MAEA: variants seen among roughly 807,000 people sequenced by gnomAD.
MAEA encodes the protein macrophage erythroblast attacher, E3 ubiquitin ligase.
A neutral mutation model predicts 46.2 loss-of-function variants in MAEA; 22 were observed. That is an observed-to-expected ratio of 0.48 (90% CI 0.34 to 0.68). MAEA has a LOEUF of 0.68. Ranked by LOEUF, MAEA falls within the 30% of genes least tolerant of loss-of-function variation. The pLI is 0.01. For missense variants in MAEA, 393 were observed against 558.1 expected (o/e 0.70, Z 2.98); for synonymous variants, 246 against 222.6 (o/e 1.11, Z -0.94).
In MAEA at chr4:1,322,301, A is replaced by G. The variant is rs1350993548; in HGVS notation, c.457-80A>G. On this transcript the variant is annotated intron_variant, in intron 3 of 8. Coordinates refer to ENST00000303400, the MANE Select transcript of MAEA (RefSeq NM_001017405.3). ...TGGTGGCCGGTGCTGGGCCTGCCTC[A>G]TGGAGGCTGGGGTGTGGGAGGGTGG... 6.4e-6 allele frequency: 10 copies of G among 1,571,056 alleles called. No individual in the cohort carries two copies. In the African/African-American group the frequency reaches 6.7e-5, roughly 11 times the overall value.
intron 4 of MAEA, 46 bp from the exon 5 acceptor site, chr4:1,327,581 T>C: frequency 1.4e-6 from 2 of 1,444,524 alleles, no homozygotes; most frequent in Non-Finnish European, 1.9e-6. Flanking sequence ...GCACCTGGGC[T>C]CTGTGGGATG....
intron 1 of MAEA, among the ~76,000 whole-genome samples, chr4:1,293,210 GT>G (rs78057925): frequency 0.15 from 22,653 of 147,738 alleles, 3,341 homozygotes; most frequent in East Asian, 0.42. Context: ...TTTGTAAAAG[GT>G]TTTTTTTTTT....
At chr4:1,331,739 GCC>G (rs2108998013) in intron 5 of MAEA, 1 of 145,242 alleles carries the variant, frequency 6.9e-6, no homozygotes, top group East Asian at 2.0e-4. Flanking sequence ...CCTCAGGACA[GCC>G]AGAGGGACAG....
chr4:1,307,268 C>A (rs912011565), intron 1 of MAEA, among the ~76,000 whole-genome samples: 1 of 151,834 alleles, frequency 6.6e-6, no homozygotes, highest in Non-Finnish European at 1.5e-5. Context: ...ATCACCATGA[C>A]CCTCTCATCT....
Position 1,338,457 on chromosome 4 carries a change from C to T in MAEA, c.935C>T (p.Pro312Leu). Residue 312 changes from proline (P) to leucine (L), a missense_variant, in exon 8 of 9, where the codon CCT (proline) becomes CTT (leucine). Transcript: ENST00000303400. ...CYKEDGSSKSPDCPVCSRSLN... is the reference protein window; with the variant it reads ...CYKEDGSSKSLDCPVCSRSLN... The stretch of plus-strand genomic sequence containing the variant: ...AAGGAGGACGGCAGCTCCAAGAGCC[C>T]TGACTGCCCTGTGTGCAGCCGCTCC... The T allele has an allele frequency of 1.2e-6, 2 of 1,613,052 alleles. No homozygotes were observed. Among genetic ancestry groups the T allele is most frequent in the Non-Finnish European group, 1.7e-6 (2 of 1,179,932 alleles).
At chr4:1,338,140 C>T (rs546792696) in intron 7 of MAEA, 106 of 409,228 alleles carry the variant, frequency 2.6e-4, no homozygotes, top group Non-Finnish European at 3.8e-4. Flanking sequence ...GTTGCGTGGC[C>T]GGGGAGAGGG....
chr4:1,312,017 T>C lies in MAEA; in HGVS notation c.108T>C (p.Ala36=), dbSNP rs780036723. 8.1e-6 allele frequency: 13 copies of C among 1,613,862 alleles called. No individual in the cohort carries two copies. Among genetic ancestry groups the C allele is most frequent in the South Asian group, 1.1e-5 (1 of 91,074 alleles). ...YETLNKRFRA[A]QKNIDRETSH... ...CGCTGAACAAACGCTTTCGCGCCGC[T>C]CAGAAGAACATTGACCGGGAGACCA... The change falls in exon 2 of 9, where the codon GCT becomes GCC. Residue 36 remains alanine, a synonymous_variant. Transcript: ENST00000303400.
chr4:1,326,122 GC>G (rs553377200), intron 4 of MAEA, among the ~76,000 whole-genome samples: 66 of 152,340 alleles, frequency 4.3e-4, no homozygotes, highest in African/African-American at 1.6e-3. Context: ...GCGTGTCGGG[GC>G]AGCAAGGCTG....
intron 1 of MAEA, among the ~76,000 whole-genome samples, chr4:1,304,273 C>T (rs925344018): frequency 1.3e-5 from 2 of 152,106 alleles, no homozygotes; most frequent in Non-Finnish European, 2.9e-5. Context: ...TGTAAAATAT[C>T]TAATGATTAT....
At chr4:1,303,429 C>T (rs1012181297) in intron 1 of MAEA, among the ~76,000 whole-genome samples, 2 of 149,126 alleles carry the variant, frequency 1.3e-5, no homozygotes, top group African/African-American at 2.5e-5. Flanking sequence ...ATGTCCTTCT[C>T]GATAGCAGCC....
chr4:1,290,579 G>A (rs1734000917), intron 1 of MAEA, among the ~76,000 whole-genome samples: 1 of 152,256 alleles, frequency 6.6e-6, no homozygotes, highest in African/African-American at 2.4e-5. Flanking sequence ...CCTAGTAGAA[G>A]GAGCCGATAC....
At chr4:1,328,706 G>A in intron 5 of MAEA, 1 of 1,273,694 alleles carries the variant, frequency 7.9e-7, no homozygotes, top group Non-Finnish European at 1.0e-6. Flanking sequence ...GGTGCTGAGG[G>A]TGGTCCCCAA....
At chr4:1,296,926 T>G (rs2108860047) in intron 1 of MAEA, among the ~76,000 whole-genome samples, 1 of 152,298 alleles carries the variant, frequency 6.6e-6, no homozygotes, top group South Asian at 2.1e-4. Context: ...TTTTGTTTTA[T>G]GTCACCAGCC....
intron 5 of MAEA, chr4:1,329,093 T>C: frequency 4.1e-6 from 4 of 985,640 alleles, no homozygotes; most frequent in Non-Finnish European, 4.8e-6. Context: ...CCCCGGCCAC[T>C]GTCAGCCCTG....
At chr4:1,330,138 T>A in intron 5 of MAEA, 1 of 985,422 alleles carries the variant, frequency 1.0e-6, no homozygotes, top group Non-Finnish European at 1.2e-6. Flanking sequence ...TGCTAGTGAT[T>A]AACTTTTAAC....
chr4:1,310,585 C>T (rs1199520613), intron 1 of MAEA, among the ~76,000 whole-genome samples: 1 of 152,256 alleles, frequency 6.6e-6, no homozygotes, highest in Non-Finnish European at 1.5e-5. Flanking sequence ...GACTCATTTG[C>T]TCACCAGCAA....
At chr4:1,328,684 G>A (rs554042171) in intron 5 of MAEA, 1,382 of 1,280,260 alleles carry the variant, frequency 1.1e-3, no homozygotes, top group Non-Finnish European at 1.2e-3. Flanking sequence ...AGAAGTGGGC[G>A]TCTCACGATG....
chr4:1,313,297 A>G (rs557186346), intron 2 of MAEA, among the ~76,000 whole-genome samples: 3 of 152,366 alleles, frequency 2.0e-5, no homozygotes, highest in South Asian at 2.1e-4. Flanking sequence ...TACAACGTCC[A>G]GCACAGAGAC....
At position 1,327,522 on chromosome 4, in the gene MAEA, G is replaced by A. The variant is rs1446239382; in HGVS notation, c.580-105G>A. The A allele has an allele frequency of 1.2e-5, 10 of 809,042 alleles. No homozygotes were observed. In the Admixed American group the frequency reaches 1.7e-4, roughly 14 times the overall value. 50.1% of individuals were successfully genotyped at this position (809,042 alleles called of 1,614,324 possible). ...CCCGTGCCTGTGAGAGAGGGGTTCA[G>A]AGCTTTGGTTGTGGGGTCTGCTGGT... is the stretch of plus-strand genomic sequence containing the variant. On this transcript the variant is annotated intron_variant, in intron 4 of 8. Coordinates refer to ENST00000303400, the MANE Select transcript of MAEA (RefSeq NM_001017405.3).
Sources: gnomAD v4.1 joint callset for allele counts (sites outside exome capture counted in the v4.1 genomes callset) on GRCh38, gnomAD v4.1.1 for gene constraint, MANE v1.5 for transcripts, NCBI Gene and HGNC (gene_info 2026-07-23, HGNC 2026-07-21) for gene names.